Variants in FDFT1 observed in about 807,000 individuals in gnomAD.
The protein encoded by FDFT1 is squalene synthase.
A neutral mutation model predicts 46.8 loss-of-function variants in FDFT1; 68 were observed. That is an observed-to-expected ratio of 1.45 (90% CI 1.19 to 1.78). The LOEUF (loss-of-function observed/expected upper bound fraction) is 1.78. Among genes scored for constraint, FDFT1 ranks in the 40% most tolerant of loss-of-function variants. The pLI is 0.00. For missense variants in FDFT1, 928 were observed against 524.4 expected (o/e 1.77, Z -7.52); for synonymous variants, 351 against 185.1 (o/e 1.90, Z -7.28).
At chr8:11,802,414 G>C, upstream of FDFT1, 1 of 457,728 alleles carries the variant, frequency 2.2e-6, no homozygotes, top group Non-Finnish European at 4.4e-6. Context: ...AAGCCCCACC[G>C]CCTCACCTCC....
intron 3 of FDFT1, among the ~76,000 whole-genome samples, chr8:11,812,077 T>C (rs1807793652): frequency 6.6e-6 from 1 of 152,228 alleles, no homozygotes; most frequent in Non-Finnish European, 1.5e-5. Context: ...TCACACACAG[T>C]ACTGCTCTTA....
Position 11,802,865 on chromosome 8 carries a change from A to G in FDFT1, c.33A>G (p.Glu11=), listed in dbSNP as rs139628955. ...TCGTGAAATGCCTTGGCCACCCCGA[A>G]GAGTTCTACAACCTGGTGCGCTTCC... MEFVKCLGHP[E]EFYNLVRFRI... The change falls in exon 1 of 8, where the codon GAA becomes GAG. Residue 11 remains glutamate, a synonymous_variant. Coordinates refer to ENST00000220584, the MANE Select transcript of FDFT1 (RefSeq NM_004462.5). 27 of 1,612,164 alleles carry G rather than the reference A, an allele frequency of 1.7e-5. No homozygotes were observed. In the African/African-American group the frequency reaches 2.8e-4, roughly 17 times the overall value.
At chr8:11,826,781 C>T (rs1040819997) in intron 5 of FDFT1, among the ~76,000 whole-genome samples, 5 of 152,348 alleles carry the variant, frequency 3.3e-5, no homozygotes, top group African/African-American at 1.2e-4. Context: ...TGCCACTGCA[C>T]TCCAGCCTGG....
intron 7 of FDFT1, among the ~76,000 whole-genome samples, chr8:11,833,017 T>A (rs1034327302): frequency 2.6e-5 from 4 of 152,204 alleles, no homozygotes; most frequent in African/African-American, 9.7e-5. Context: ...ATTCTTCTTA[T>A]ACTTCCTCCC....
At chr8:11,835,208 T>A (rs1478764725) in intron 7 of FDFT1, among the ~76,000 whole-genome samples, 2 of 152,198 alleles carry the variant, frequency 1.3e-5, no homozygotes, top group African/African-American at 4.8e-5. Flanking sequence ...CAAGCAGATG[T>A]AACTCCTTGA....
intron 5 of FDFT1, among the ~76,000 whole-genome samples, chr8:11,827,168 C>CT (rs1418016641): frequency 6.6e-6 from 1 of 152,122 alleles, no homozygotes; most frequent in Non-Finnish European, 1.5e-5. Flanking sequence ...CAGCCAAGTA[C>CT]TTTAAAGTTT....
intron 6 of FDFT1, among the ~76,000 whole-genome samples, chr8:11,830,962 T>C (rs1241002404): frequency 6.6e-6 from 1 of 152,216 alleles, no homozygotes; most frequent in Non-Finnish European, 1.5e-5. Context: ...TGGTTTGATC[T>C]TGTTCTAATG....
chr8:11,830,516 C>A lies in FDFT1; in HGVS notation c.879+96C>A, dbSNP rs948595578. On this transcript the variant is annotated intron_variant, in intron 6 of 7. Coordinates refer to ENST00000220584, the MANE Select transcript of FDFT1 (RefSeq NM_004462.5). ...CTGTGCTATATTCAAGGATATGATT[C>A]CTTAAAAAGACGATGACTCCAGTTT... 7 of 873,612 alleles carry A rather than the reference C, an allele frequency of 8.0e-6. No homozygotes were observed. The African/African-American group carries it at 1.0e-4, about 13-fold the overall frequency. The allele number at this position is 873,612 out of a possible 1,614,324, so 54.1% of individuals were successfully genotyped here.
chr8:11,808,224 C>A, intron 1 of FDFT1: 1 of 1,171,340 alleles, frequency 8.5e-7, no homozygotes, highest in Non-Finnish European at 1.1e-6. Context: ...CAGCGGAGCC[C>A]GAGTAGAGTT....
At chr8:11,833,820 G>C (rs1811188603) in intron 7 of FDFT1, among the ~76,000 whole-genome samples, 1 of 152,174 alleles carries the variant, frequency 6.6e-6, no homozygotes, top group Admixed American at 6.5e-5. Flanking sequence ...CTGACTTAGG[G>C]TATCAGTTGT....
upstream of FDFT1, among the ~76,000 whole-genome samples, chr8:11,799,695 C>T (rs1010207855): frequency 2.0e-5 from 3 of 151,162 alleles, no homozygotes; most frequent in African/African-American, 4.9e-5. Context: ...CGCCTGTAAT[C>T]CCAGTACCTG....
chr8:11,809,581 A>G (rs1807408549), intron 2 of FDFT1, 86 bp from the exon 3 acceptor site: 1 of 1,399,638 alleles, frequency 7.1e-7, no homozygotes, highest in African/African-American at 1.5e-5. Flanking sequence ...AGATGGGTTT[A>G]GAAAGTGGCC....
At chr8:11,829,492 G>C (rs1382875336) in intron 5 of FDFT1, among the ~76,000 whole-genome samples, 2 of 152,198 alleles carry the variant, frequency 1.3e-5, no homozygotes, top group African/African-American at 2.4e-5. Flanking sequence ...TTTCTTACCA[G>C]AGTAGGAATA....
At chr8:11,806,287 A>G (rs1023648404) in intron 1 of FDFT1, among the ~76,000 whole-genome samples, 4 of 152,222 alleles carry the variant, frequency 2.6e-5, no homozygotes, top group African/African-American at 7.2e-5. Flanking sequence ...GACAGGCACC[A>G]GTAGCCTGAG....
chr8:11,834,269 C>G (rs1385598449), intron 7 of FDFT1, among the ~76,000 whole-genome samples: 1 of 152,212 alleles, frequency 6.6e-6, no homozygotes, highest in African/African-American at 2.4e-5. Context: ...CTGCAGGGCC[C>G]TCACCCCACT....
At chr8:11,817,535 A>G (rs1483857094) in intron 3 of FDFT1, among the ~76,000 whole-genome samples, 2 of 152,182 alleles carry the variant, frequency 1.3e-5, no homozygotes, top group Admixed American at 6.5e-5. Context: ...TATTGCCTCA[A>G]TTTCAGAGCC....
At chr8:11,799,140 A>T (rs965307931), upstream of FDFT1, among the ~76,000 whole-genome samples, 54 of 152,328 alleles carry the variant, frequency 3.5e-4, no homozygotes, top group African/African-American at 1.2e-3. Flanking sequence ...AATGCATTAC[A>T]ATTACACCCT....
chr8:11,815,502 C>T (rs761973658), intron 3 of FDFT1, among the ~76,000 whole-genome samples: 7 of 152,210 alleles, frequency 4.6e-5, no homozygotes, highest in Admixed American at 6.5e-5. Flanking sequence ...TAAATTTAGT[C>T]CTGTTTCTCC....
intron 5 of FDFT1, among the ~76,000 whole-genome samples, chr8:11,827,097 A>C (rs1042856328): frequency 6.6e-6 from 1 of 152,226 alleles, no homozygotes; most frequent in Non-Finnish European, 1.5e-5. Context: ...AGAAAATTTT[A>C]TGACTGTTCC....
Sources: allele counts gnomAD v4.1 joint callset (sites outside exome capture counted in the v4.1 genomes callset), GRCh38; gene constraint gnomAD v4.1.1; transcripts MANE v1.5; gene names NCBI Gene and HGNC (gene_info 2026-07-23, HGNC 2026-07-21).